The following MPP4 variants were observed in gnomAD, a reference collection of about 807,000 sequenced individuals.
MPP4 encodes the protein MAGUK p55 scaffold protein 4, also known as MAGUK p55 subfamily member 4.
Under a neutral mutation model 98.3 loss-of-function variants are expected in MPP4, and 91 were observed. That is an observed-to-expected ratio of 0.93 (90% confidence interval 0.78 to 1.10). The LOEUF (loss-of-function observed/expected upper bound fraction) is 1.10. Ranked by LOEUF, MPP4 falls within the 50% of genes least tolerant of loss-of-function variation. MPP4 has a pLI of 0.00. For missense variants in MPP4, 744 were observed against 792.9 expected (o/e 0.94, Z 0.74); for synonymous variants, 261 against 271.8 (o/e 0.96, Z 0.39).
chr2:201,675,385 C>T, intron 10 of MPP4, 114 bp from the exon 11 acceptor site: 1 of 1,057,838 alleles, frequency 9.5e-7, no homozygotes, highest in Non-Finnish European at 1.4e-6. Flanking sequence ...AATTCTGCTG[C>T]CTTCACTCAA....
chr2:201,671,402 T>C (rs1688340266), intron 11 of MPP4, among the ~76,000 whole-genome samples: 1 of 152,064 alleles, frequency 6.6e-6, no homozygotes, highest in Non-Finnish European at 1.5e-5. Context: ...CACATAACAA[T>C]ATTAACCTTA....
chr2:201,669,708 T>C, intron 12 of MPP4, 25 bp downstream of exon 12: 1 of 1,403,126 alleles, frequency 7.1e-7, no homozygotes, highest in South Asian at 1.7e-5. Context: ...GAGATAAGAG[T>C]TTTTTCCTAA....
chr2:201,656,359 C>T lies in MPP4; in HGVS notation c.1139G>A (p.Arg380His), dbSNP rs774716027. ...CCTGCGACAAAGGCGCATGCTGCGG[C>T]GGAAGCCAGCTAGGGAGGGGAAGTG... ...YGQKFFIAGFRRSMRLCRRKS... is the reference protein window; with the variant it reads ...YGQKFFIAGFHRSMRLCRRKS... The change falls in exon 17 of 22, where the codon CGC becomes CAC. Residue 380 changes from arginine (R) to histidine (H), a missense_variant. Transcript: ENST00000409474. The T allele has an allele frequency of 2.1e-5, 33 of 1,550,464 alleles. No homozygotes were observed. The highest frequency in any genetic ancestry group is 3.4e-4 in the Middle Eastern group (2 of 5,874).
At chr2:201,695,890 T>G in intron 1 of MPP4, among the ~76,000 whole-genome samples, 1 of 152,148 alleles carries the variant, frequency 6.6e-6, no homozygotes, top group East Asian at 1.9e-4. Context: ...AACATTGTTA[T>G]AGTAGGACAA....
At chr2:201,653,838 C>T (rs927599010) in intron 18 of MPP4, among the ~76,000 whole-genome samples, 2 of 151,802 alleles carry the variant, frequency 1.3e-5, no homozygotes, top group Non-Finnish European at 2.9e-5. Flanking sequence ...TATAACAACT[C>T]TAAATGGGTA....
At chr2:201,651,973 A>ACAG (rs544879799) in intron 18 of MPP4, 3,974 of 732,956 alleles carry the variant, frequency 5.4e-3, no homozygotes, top group Non-Finnish European at 6.0e-3. Flanking sequence ...AAACAAACAG[A>ACAG]AAAAAAAAAA....
At chr2:201,670,493 T>G (rs1688312319) in intron 11 of MPP4, among the ~76,000 whole-genome samples, 2 of 152,160 alleles carry the variant, frequency 1.3e-5, no homozygotes, top group Non-Finnish European at 2.9e-5. Flanking sequence ...GTGAGGATAA[T>G]AATAGAATAT....
At chr2:201,649,550 A>G in intron 20 of MPP4, 26 bp downstream of exon 20, 1 of 1,509,170 alleles carries the variant, frequency 6.6e-7, no homozygotes, top group Non-Finnish European at 9.1e-7. Flanking sequence ...TTGTTTGGGG[A>G]CATAAATATT....
chr2:201,671,068 C>G (rs1025285282), intron 11 of MPP4, among the ~76,000 whole-genome samples: 20 of 152,202 alleles, frequency 1.3e-4, no homozygotes, highest in Non-Finnish European at 2.5e-4. Flanking sequence ...AACCCACAGA[C>G]CAGGAGATTC....
chr2:201,683,403 A>C (rs1358652169), intron 7 of MPP4, among the ~76,000 whole-genome samples: 1 of 152,254 alleles, frequency 6.6e-6, no homozygotes, highest in Non-Finnish European at 1.5e-5. Flanking sequence ...AAGCATGATA[A>C]AAAATTCAAG....
At position 201,660,491 on chromosome 2, in the gene MPP4, G is replaced by A. The variant is rs191425674; in HGVS notation, c.1073-145C>T. 1.3e-4 allele frequency: 112 copies of A among 842,810 alleles called. 1 individual carries two copies. In the African/African-American group the frequency reaches 1.8e-3, roughly 14 times the overall value. The allele number at this position is 842,810 out of a possible 1,614,324, so 52.2% of individuals were successfully genotyped here. ...AGGTAACTCGGGTAAGGCCTGGCAA[G>A]GCAAATGATCACCACATGATTGGGA... On this transcript the variant is annotated intron_variant, in intron 14 of 21. Coordinates refer to ENST00000409474, the MANE Select transcript of MPP4 (RefSeq NM_033066.3).
intron 7 of MPP4, among the ~76,000 whole-genome samples, chr2:201,683,763 A>G (rs975641159): frequency 6.6e-6 from 1 of 151,858 alleles, no homozygotes; most frequent in Admixed American, 6.6e-5. Context: ...AAAAAAAAAA[A>G]AGAAAAGAAA....
intron 6 of MPP4, among the ~76,000 whole-genome samples, chr2:201,685,376 T>C (rs2105943087): frequency 6.6e-6 from 1 of 152,362 alleles, no homozygotes; most frequent in East Asian, 1.9e-4. Flanking sequence ...CAGTGCCCTG[T>C]GGCCTGTCAG....
chr2:201,677,732 G>T (rs998029777), intron 10 of MPP4, among the ~76,000 whole-genome samples: 4 of 152,220 alleles, frequency 2.6e-5, no homozygotes, highest in Non-Finnish European at 5.9e-5. Context: ...TCAGAGAGGG[G>T]AGGGCAGAGC....
At chr2:201,691,575 T>C (rs957475548) in intron 3 of MPP4, among the ~76,000 whole-genome samples, 1 of 152,246 alleles carries the variant, frequency 6.6e-6, no homozygotes, top group Admixed American at 6.5e-5. Context: ...TGGAGTGCAG[T>C]GGCTCAATCT....
chr2:201,664,629 T>A (rs1688119941), intron 13 of MPP4, among the ~76,000 whole-genome samples: 1 of 152,156 alleles, frequency 6.6e-6, no homozygotes, highest in Non-Finnish European at 1.5e-5. Flanking sequence ...TTAAAACAAC[T>A]CTTGTTAGCA....
chr2:201,658,454 C>T, intron 16 of MPP4, 23 bp downstream of exon 16: 2 of 1,603,194 alleles, frequency 1.2e-6, no homozygotes, highest in Non-Finnish European at 1.7e-6. Flanking sequence ...CAGAGACCCA[C>T]CTCTTGTTAA....
intron 10 of MPP4, among the ~76,000 whole-genome samples, chr2:201,678,007 G>A (rs1688559462): frequency 6.6e-6 from 1 of 152,124 alleles, no homozygotes; most frequent in Non-Finnish European, 1.5e-5. Flanking sequence ...AGTCCGAGGT[G>A]CCTTCCATTA....
At chr2:201,652,128 G>A in intron 18 of MPP4, 1 of 420,070 alleles carries the variant, frequency 2.4e-6, no homozygotes, top group Non-Finnish European at 3.2e-6. Context: ...CAGCCCTTAT[G>A]TGAGGCAAGA....
Sources: allele counts gnomAD v4.1 joint callset (sites outside exome capture counted in the v4.1 genomes callset), GRCh38; gene constraint gnomAD v4.1.1; transcripts MANE v1.5; gene names NCBI Gene and HGNC (gene_info 2026-07-23, HGNC 2026-07-21).